The following REM2 variants were observed in gnomAD, a reference collection of about 807,000 sequenced individuals.
REM2 encodes RRAD and GEM like GTPase 2.
A neutral mutation model predicts 24.4 loss-of-function variants in REM2; 24 were observed. The observed-to-expected ratio is 0.98, with a 90% CI of 0.71 to 1.38. REM2 has a LOEUF of 1.38. REM2 is among the 40% of genes most tolerant of loss of function. The pLI is 0.00. For missense variants in REM2, 429 were observed against 467.8 expected, an observed-to-expected ratio of 0.92 and a Z score of 0.77; for synonymous variants, 187 against 198.0, an observed-to-expected ratio of 0.94 and a Z score of 0.47.
Position 22,886,783 on chromosome 14 carries a change from T to C in REM2, c.897T>C (p.Pro299=). 6.5e-7 allele frequency: 1 copy of C among 1,548,506 alleles called. No individual in the cohort carries two copies. The highest frequency in any genetic ancestry group is 8.7e-7 in the Non-Finnish European group (1 of 1,146,270). ...QRPDPGSPEG[P]APPARRESLT... ...CCGATCCGGGCAGCCCCGAGGGCCCTGCGCCACCTGCACGCCGCGAGAGCC... is the reference window on the plus strand; with the variant it reads ...CCGATCCGGGCAGCCCCGAGGGCCCCGCGCCACCTGCACGCCGCGAGAGCC... The change falls in exon 5 of 5, where the codon CCT becomes CCC. Residue 299 remains proline (P), a synonymous_variant. Transcript: ENST00000267396. This position sits in a 1 kb window ranked among gnomAD's most constrained non-coding sequence, Gnocchi z 5.9.
rs961294864 is a variant in REM2 at position 22,887,161 on chromosome 14, C to A, written c.*252C>A. On this transcript the variant is annotated 3_prime_UTR_variant, in exon 5 of 5. Coordinates refer to ENST00000267396, the MANE Select transcript of REM2 (RefSeq NM_173527.3). The stretch of plus-strand genomic sequence containing the variant: ...GAAGGCGAGGACGCAGACCTGAAGG[C>A]GGCCGGTGAGCGGGGCGGGTTCTGC... 3 of 392,510 alleles carry A rather than the reference C, an allele frequency of 7.6e-6. No homozygotes were observed. The highest frequency in any genetic ancestry group is 2.1e-5 in the African/African-American group (1 of 48,358). 24.3% of individuals were successfully genotyped at this position (392,510 alleles called of 1,614,324 possible).
rs771397112 is a variant in REM2, at chr14:22,886,158, G to C, written c.654G>C (p.Pro218=). 1 of 1,613,902 alleles carries C rather than the reference G, an allele frequency of 6.2e-7. No homozygotes were observed. The highest frequency in any genetic ancestry group is 1.3e-5 in the African/African-American group (1 of 75,006). The change falls in exon 4 of 5, where the codon CCG becomes CCC. Residue 218 remains proline (P), a synonymous_variant. Transcript: ENST00000267396. The surrounding 1 kb of genome is among the most constrained non-coding windows in gnomAD (Gnocchi z 5.9). Reference sequence around the variant, plus strand: ...TACTTCGGCTCCGGGCTGGGAGGCCGCACCACGACCTACCCGTTATCCTCG... The same window carrying C: ...TACTTCGGCTCCGGGCTGGGAGGCCCCACCACGACCTACCCGTTATCCTCG... ...ETLLRLRAGR[P]HHDLPVILVG... is the part of the protein sequence containing the mutation.
rs978452689 is a variant in REM2, at chr14:22,887,525, C to T, written c.*616C>T. On this transcript the variant is annotated 3_prime_UTR_variant, in exon 5 of 5. Coordinates refer to ENST00000267396, the MANE Select transcript of REM2 (RefSeq NM_173527.3). ...GGATTCTCTTGACTTACCAGTCCAC[C>T]ACGGCACTTCCCCTTTAAGGTTATT... is the stretch of plus-strand genomic sequence containing the variant. 2.0e-5 allele frequency: 3 copies of T among 152,216 alleles called. No homozygotes were observed. Among genetic ancestry groups the T allele is most frequent in the Non-Finnish European group, 4.4e-5 (3 of 68,044 alleles). The allele number at this position is 152,216 out of a possible 1,614,324, so 9.4% of individuals were successfully genotyped here.
Position 22,883,285 on chromosome 14 carries a change from C to T in REM2, c.-3C>T, listed in dbSNP as rs996027265. Reference sequence around the variant, plus strand: ...ACGCACACGCACACGCACACGCACACTGATGCACACGGACCTGGACACAGA... The same window carrying T: ...ACGCACACGCACACGCACACGCACATTGATGCACACGGACCTGGACACAGA... On this transcript the variant is annotated 5_prime_UTR_variant, in exon 1 of 5. Transcript: ENST00000267396. 5 of 1,471,946 alleles carry T rather than the reference C, an allele frequency of 3.4e-6. No individual in the cohort carries two copies. The highest frequency in any genetic ancestry group is 4.7e-6 in the Non-Finnish European group (5 of 1,073,344). The allele number at this position is 1,471,946 out of a possible 1,614,324, so 91.2% of individuals were successfully genotyped here.
In REM2 at chr14:22,886,433, C is replaced by A; in HGVS notation, c.728-181C>A. 2 of 710,892 alleles carry A rather than the reference C, an allele frequency of 2.8e-6. No individual in the cohort carries two copies. The highest frequency in any genetic ancestry group is 4.6e-6 in the Non-Finnish European group (2 of 431,780). 44.0% of individuals were successfully genotyped at this position (710,892 alleles called of 1,614,324 possible). Reference sequence around the variant, plus strand: ...ACTTCCCCTCACCTCTCTCCTAGGCCTCCTTCTCCCTCTCCTTCGCACCTC... The same window carrying A: ...ACTTCCCCTCACCTCTCTCCTAGGCATCCTTCTCCCTCTCCTTCGCACCTC... On this transcript the variant is annotated intron_variant, in intron 4 of 4. Transcript: ENST00000267396. This position sits in a 1 kb window ranked among gnomAD's most constrained non-coding sequence, Gnocchi z 5.9.
At position 22,886,631 on chromosome 14, in the gene REM2, G is replaced by A; in HGVS notation, c.745G>A (p.Gly249Arg). ...VSLEEGRHLA[G>R]TLSCKHIETS... ...TCCTGCAGAGGGCCGCCACCTGGCC[G>A]GGACGCTGAGCTGCAAGCACATCGA... The change falls in exon 5 of 5, where the codon GGG becomes AGG. Residue 249 changes from glycine (G) to arginine (R), a missense_variant. By Grantham distance (125) the Gly-to-Arg change is moderately radical (BLOSUM62 -2). Coordinates refer to ENST00000267396, the MANE Select transcript of REM2 (RefSeq NM_173527.3). This position sits in a 1 kb window ranked among gnomAD's most constrained non-coding sequence, Gnocchi z 5.9. 5 of 1,451,928 alleles carry A rather than the reference G, an allele frequency of 3.4e-6. No individual in the cohort carries two copies. The highest frequency in any genetic ancestry group is 1.4e-5 in the African/African-American group (1 of 69,646). 89.9% of individuals were successfully genotyped at this position (1,451,928 alleles called of 1,614,324 possible).
At chr14:22,884,528 A>T (rs1440675827) in intron 1 of REM2, 146 bp from the exon 2 acceptor site, 14 of 1,432,880 alleles carry the variant, frequency 9.8e-6, no homozygotes, top group Non-Finnish European at 1.3e-5. Context: ...GTCAGGCCAG[A>T]CATTCTCAGT....
chr14:22,883,460 C>T (rs1406744153), intron 1 of REM2, 70 bp downstream of exon 1: 1 of 1,385,370 alleles, frequency 7.2e-7, no homozygotes, highest in Non-Finnish European at 1.0e-6. Context: ...GTGGGGAGGT[C>T]AGAACTAGGG....
In REM2 at chr14:22,883,311, C is replaced by T; in HGVS notation, c.24C>T (p.Asp8=). 6.4e-7 allele frequency: 1 copy of T among 1,558,474 alleles called. No individual in the cohort carries two copies. The highest frequency in any genetic ancestry group is 8.7e-7 in the Non-Finnish European group (1 of 1,150,670). The change falls in exon 1 of 5, where the codon GAC becomes GAT. Residue 8 remains aspartate (D), a synonymous_variant. Transcript: ENST00000267396. MHTDLDT[D]MDMDTETTAL... Reference sequence around the variant, plus strand: ...TGATGCACACGGACCTGGACACAGACATGGACATGGACACAGAAACCACAG... The same window carrying T: ...TGATGCACACGGACCTGGACACAGATATGGACATGGACACAGAAACCACAG...
In REM2 at chr14:22,883,876, C is replaced by T. The variant is rs566060543; in HGVS notation, c.103+486C>T. Among the ~76,000 whole-genome samples, 7 of 151,146 alleles carry T rather than the reference C, an allele frequency of 4.6e-5. No individual in the cohort carries two copies. The South Asian group carries it at 6.3e-4, about 14-fold the overall frequency. On this transcript the variant is annotated intron_variant, in intron 1 of 4. Transcript: ENST00000267396. The stretch of plus-strand genomic sequence containing the variant: ...TTCCTCCTCCAGTTACCCTGACCCA[C>T]GCATTGTCACTCTCCCTTTCGCTCA...
At position 22,883,376 on chromosome 14, in the gene REM2, G is replaced by A. The variant is rs373808086; in HGVS notation, c.89G>A (p.Gly30Glu). The A allele has an allele frequency of 1.3e-6, 2 of 1,554,146 alleles. No homozygotes were observed. The highest frequency in any genetic ancestry group is 2.7e-5 in the African/African-American group (2 of 73,146). Residue 30 changes from glycine (G) to glutamate (E), a missense_variant, in exon 1 of 5, where the codon GGG becomes GAG. Physicochemically the swap from Gly to Glu is moderately conservative, Grantham distance 98. Coordinates refer to ENST00000267396, the MANE Select transcript of REM2 (RefSeq NM_173527.3). ...GGCAGCCGCCGGGCCTCCCCTCCAG[G>A]GACGCCCACACCAGGTGAGGGCTAA... ...PSGSRRASPPGTPTPEADATL... is the reference protein window; with the variant it reads ...PSGSRRASPPETPTPEADATL...
rs1015286983 is a variant in REM2, at chr14:22,887,160, G to A, written c.*251G>A. The stretch of plus-strand genomic sequence containing the variant: ...AGAAGGCGAGGACGCAGACCTGAAG[G>A]CGGCCGGTGAGCGGGGCGGGTTCTG... On this transcript the variant is annotated 3_prime_UTR_variant, in exon 5 of 5. Coordinates refer to ENST00000267396, the MANE Select transcript of REM2 (RefSeq NM_173527.3). 2.0e-5 allele frequency: 8 copies of A among 394,720 alleles called. No individual in the cohort carries two copies. The highest frequency in any genetic ancestry group is 1.0e-4 in the African/African-American group (5 of 48,534). 24.5% of individuals were successfully genotyped at this position (394,720 alleles called of 1,614,324 possible). A position where few individuals can be genotyped will look rare whatever the true frequency, so the allele number is the denominator to read the frequency against.
rs140736935 is a variant in REM2, at chr14:22,884,114, G to A, written c.104-560G>A. On this transcript the variant is annotated intron_variant, in intron 1 of 4. Transcript: ENST00000267396. Reference sequence around the variant, plus strand: ...CAGAGAACCCACAGAGACCCAGCACGCACATCATCTCAAAAAGCAAAGGCC... The same window carrying A: ...CAGAGAACCCACAGAGACCCAGCACACACATCATCTCAAAAAGCAAAGGCC... 9.3e-5 allele frequency: 92 copies of A among 985,100 alleles called. 1 individual carries two copies. In the East Asian group the frequency reaches 8.0e-3, roughly 85 times the overall value. The allele number at this position is 985,100 out of a possible 1,614,324, so 61.0% of individuals were successfully genotyped here.
chr14:22,884,255 G>C (rs2040098576), intron 1 of REM2: 1 of 985,434 alleles, frequency 1.0e-6, no homozygotes, highest in South Asian at 4.7e-5. Context: ...GGGATTACCA[G>C]TGCTGGAAAC....
Position 22,887,108 on chromosome 14 carries a change from T to G in REM2, c.*199T>G. 2.3e-6 allele frequency: 1 copy of G among 428,448 alleles called. No individual in the cohort carries two copies. Among genetic ancestry groups the G allele is most frequent in the Non-Finnish European group, 4.1e-6 (1 of 246,414 alleles). 26.5% of individuals were successfully genotyped at this position (428,448 alleles called of 1,614,324 possible). On this transcript the variant is annotated 3_prime_UTR_variant, in exon 5 of 5. Coordinates refer to ENST00000267396, the MANE Select transcript of REM2 (RefSeq NM_173527.3). ...CCTCCACACCCGCCCCAACGCGTTC[T>G]CTGGAGCTTTGGGCCTCAGGGCGCC...
chr14:22,883,487 CTCAG>C, intron 1 of REM2, 97 bp downstream of exon 1: 2 of 1,083,744 alleles, frequency 1.8e-6, no homozygotes, highest in Non-Finnish European at 2.7e-6. Flanking sequence ...GGAGCTTGAG[CTCAG>C]TCAGCAAGAG....
rs1566500649 is a variant in REM2 at position 22,887,178 on chromosome 14, G to A, written c.*269G>A. On this transcript the variant is annotated 3_prime_UTR_variant, in exon 5 of 5. Transcript: ENST00000267396. ...CCTGAAGGCGGCCGGTGAGCGGGGC[G>A]GGTTCTGCTGGGTCGGGAAGAAAAA... 2.6e-6 allele frequency: 1 copy of A among 384,838 alleles called. No individual in the cohort carries two copies. The highest frequency in any genetic ancestry group is 4.6e-6 in the Non-Finnish European group (1 of 217,220). 23.8% of individuals were successfully genotyped at this position (384,838 alleles called of 1,614,324 possible). A position where few individuals can be genotyped will look rare whatever the true frequency, so the allele number is the denominator to read the frequency against.
Position 22,885,265 on chromosome 14 carries a change from G to T in REM2, c.446-1G>T. On this transcript the variant is annotated splice_acceptor_variant, in intron 2 of 4. Transcript: ENST00000267396. LOFTEE classifies it high-confidence loss of function. ...TATACCCTCTCCCTATTTCCCAGCA[G>T]AGGATACCTATGAGAGACGCATCAT... is the stretch of plus-strand genomic sequence containing the variant. The T allele has an allele frequency of 6.2e-7, 1 of 1,613,130 alleles. No homozygotes were observed. Among genetic ancestry groups the T allele is most frequent in the South Asian group, 1.1e-5 (1 of 91,074 alleles).
In REM2 at chr14:22,884,948, C is replaced by A; in HGVS notation, c.378C>A (p.Gly126=). 1.9e-6 allele frequency: 3 copies of A among 1,594,260 alleles called. No individual in the cohort carries two copies. In the East Asian group the frequency reaches 6.7e-5, roughly 36 times the overall value. ...KVMLVGESGV[G]KSTLAGTFGG... ...TGCTAGTGGGGGAGAGCGGCGTGGGCAAGAGCACCCTAGCAGGCACTTTTG... is the reference window on the plus strand; with the variant it reads ...TGCTAGTGGGGGAGAGCGGCGTGGGAAAGAGCACCCTAGCAGGCACTTTTG... The change falls in exon 2 of 5, where the codon GGC becomes GGA. Residue 126 remains glycine (G), a synonymous_variant. Coordinates refer to ENST00000267396, the MANE Select transcript of REM2 (RefSeq NM_173527.3).
Sources: allele counts gnomAD v4.1 joint callset (sites outside exome capture counted in the v4.1 genomes callset), GRCh38; gene constraint gnomAD v4.1.1; non-coding constraint Gnocchi (gnomAD v3.1); transcripts MANE v1.5; gene names NCBI Gene and HGNC (gene_info 2026-07-23, HGNC 2026-07-21).